DOCK9: variants seen among roughly 807,000 people sequenced by gnomAD.
The protein encoded by DOCK9 is dedicator of cytokinesis 9.
In DOCK9, 89 loss-of-function variants were observed where a neutral mutation model predicts 263.3. That is an observed-to-expected ratio of 0.34 (90% CI 0.28 to 0.40). The LOEUF (loss-of-function observed/expected upper bound fraction) is 0.40, where lower values mean the gene tolerates loss of function less well. DOCK9 is among the 10% of genes least tolerant of loss of function. The pLI is 1.00. For missense variants in DOCK9, 2,140 were observed against 2,603.4 expected (o/e 0.82, Z 3.87); for synonymous variants, 976 against 973.1 (o/e 1.00, Z -0.06).
intron 47 of DOCK9, chr13:98,808,682 A>C (rs1343780801): frequency 6.4e-7 from 1 of 1,571,732 alleles, no homozygotes; most frequent in African/African-American, 1.3e-5. Context: ...ATTGCTATAA[A>C]GTTATAAAAG....
chr13:99,000,452 GTAGCT>G (rs997120509), intron 1 of DOCK9, among the ~76,000 whole-genome samples: 19 of 152,288 alleles, frequency 1.2e-4, no homozygotes, highest in African/African-American at 4.3e-4. Flanking sequence ...GCTTGGCAGA[GTAGCT>G]TAGTAGAGGG....
chr13:98,927,057 C>G (rs1456651246), intron 3 of DOCK9, among the ~76,000 whole-genome samples: 1 of 152,176 alleles, frequency 6.6e-6, no homozygotes, highest in Non-Finnish European at 1.5e-5. Flanking sequence ...ACAATAAGCA[C>G]TTTACTGGCA....
At chr13:98,932,427 CAAACA>C (rs2054113024) in intron 2 of DOCK9, among the ~76,000 whole-genome samples, 1 of 146,520 alleles carries the variant, frequency 6.8e-6, no homozygotes, top group Middle Eastern at 3.3e-3. Flanking sequence ...AACAAACAAA[CAAACA>C]AAAAAACAGA....
At chr13:98,954,865 C>T (rs1595614718) in intron 2 of DOCK9, among the ~76,000 whole-genome samples, 1 of 106,432 alleles carries the variant, frequency 9.4e-6, no homozygotes, top group African/African-American at 3.1e-5. Flanking sequence ...ATTCAAGATA[C>T]ACACACACAC....
In DOCK9 at chr13:98,829,857, T is replaced by G; in HGVS notation, c.4636-101A>C. 1 of 948,812 alleles carries G rather than the reference T, an allele frequency of 1.1e-6. No homozygotes were observed. 58.8% of individuals were successfully genotyped at this position (948,812 alleles called of 1,614,324 possible). A position where few individuals can be genotyped will look rare whatever the true frequency, so the allele number is the denominator to read the frequency against. On this transcript the variant is annotated intron_variant, in intron 41 of 52. Transcript: ENST00000682017. The surrounding 1 kb of genome is among the most constrained non-coding windows in gnomAD (Gnocchi z 4.1). The stretch of plus-strand genomic sequence containing the variant: ...GGATGTGCCTAAGGACCCAGCAAAG[T>G]GGGGGTTGGGGGGTGCTTTGAGCAG...
intron 50 of DOCK9, among the ~76,000 whole-genome samples, chr13:98,799,012 T>C (rs542814766): frequency 3.9e-5 from 6 of 152,360 alleles, no homozygotes; most frequent in African/African-American, 1.4e-4. Context: ...GTTTTGTTTT[T>C]AGCTACAGAA....
At chr13:98,847,926 C>T (rs531691004) in intron 37 of DOCK9, among the ~76,000 whole-genome samples, 13 of 152,300 alleles carry the variant, frequency 8.5e-5, no homozygotes, top group South Asian at 2.1e-4. Flanking sequence ...TGCGAAGAAA[C>T]GCCCCCAAAG....
At chr13:99,075,236 G>A (rs886625828) in intron 1 of DOCK9, among the ~76,000 whole-genome samples, 4 of 151,656 alleles carry the variant, frequency 2.6e-5, no homozygotes, top group African/African-American at 9.7e-5. Context: ...GTTCATCTGT[G>A]AGTTTTTTCA....
chr13:98,855,914 C>T lies in DOCK9; in HGVS notation c.3815G>A (p.Ser1272Asn). 1 of 1,613,948 alleles carries T rather than the reference C, an allele frequency of 6.2e-7. No homozygotes were observed. Among genetic ancestry groups the T allele is most frequent in the Non-Finnish European group, 8.5e-7 (1 of 1,179,858 alleles). The change falls in exon 34 of 53, where the codon AGC becomes AAC. Residue 1272 changes from serine (S) to asparagine (N), a missense_variant. Around this residue, in one of 2 missense-constraint regions of DOCK9, gnomAD observed 1,521 missense variants for 1,741.7 expected, o/e 0.87. Coordinates refer to ENST00000682017, the MANE Select transcript of DOCK9 (RefSeq NM_001366683.2). The part of the protein sequence containing the change: ...NSLPERNSEK[S>N]NSLDKHQQSS... ...AGCAATTACCTTATCCAGGGAATTG[C>T]TCTTCTCACTATTCCTTTCTGGAAG... is the stretch of plus-strand genomic sequence containing the variant.
intron 1 of DOCK9, among the ~76,000 whole-genome samples, chr13:98,996,511 T>C (rs920934315): frequency 7.9e-5 from 12 of 152,256 alleles, no homozygotes; most frequent in Non-Finnish European, 4.4e-5. Context: ...ACATTACCCA[T>C]ATATTCCAAT....
intron 47 of DOCK9, 98 bp downstream of exon 47, chr13:98,809,254 T>C (rs2091045002): frequency 7.9e-7 from 1 of 1,267,732 alleles, no homozygotes; most frequent in East Asian, 2.5e-5. Flanking sequence ...AAACAGAGAA[T>C]TTATAAGATA....
At chr13:98,811,890 T>C (rs1462415962) in intron 45 of DOCK9, among the ~76,000 whole-genome samples, 1 of 152,230 alleles carries the variant, frequency 6.6e-6, no homozygotes, top group Non-Finnish European at 1.5e-5. Context: ...TAGTTTTACA[T>C]TTTACATTTT....
chr13:98,984,572 T>C (rs1379593052), intron 1 of DOCK9, among the ~76,000 whole-genome samples: 1 of 152,260 alleles, frequency 6.6e-6, no homozygotes, highest in Non-Finnish European at 1.5e-5. Flanking sequence ...ATGGTACTAT[T>C]AGTGATTCTT....
chr13:98,846,207 G>T (rs987402756), intron 37 of DOCK9, 147 bp from the exon 38 acceptor site: 9 of 1,026,290 alleles, frequency 8.8e-6, no homozygotes, highest in Non-Finnish European at 1.3e-5. Context: ...GACACAGACA[G>T]GCGGCAGCTC....
intron 1 of DOCK9, among the ~76,000 whole-genome samples, chr13:99,023,658 T>C (rs542827235): frequency 6.6e-6 from 1 of 152,336 alleles, no homozygotes; most frequent in Admixed American, 6.5e-5. Flanking sequence ...TTTCCATATT[T>C]TTTAAAAATA....
chr13:99,038,986 ATAACT>A (rs1339353311), intron 1 of DOCK9, among the ~76,000 whole-genome samples: 13 of 152,224 alleles, frequency 8.5e-5, no homozygotes, highest in African/African-American at 2.2e-4. Context: ...AAAACATTAA[ATAACT>A]TAACTTTTTA....
At chr13:98,841,106 GAATA>G (rs1467171582) in intron 38 of DOCK9, among the ~76,000 whole-genome samples, 1 of 152,144 alleles carries the variant, frequency 6.6e-6, no homozygotes, top group Non-Finnish European at 1.5e-5. Context: ...GTAGAGAATA[GAATA>G]AATAGTGATA....
intron 2 of DOCK9, among the ~76,000 whole-genome samples, chr13:98,941,081 C>T (rs1397681164): frequency 6.6e-6 from 1 of 152,182 alleles, no homozygotes; most frequent in East Asian, 1.9e-4. Flanking sequence ...TTCCCTAATG[C>T]ACCAGGCCCC....
chr13:99,070,129 T>G (rs2041604835), intron 1 of DOCK9, among the ~76,000 whole-genome samples: 1 of 150,734 alleles, frequency 6.6e-6, no homozygotes, highest in Non-Finnish European at 1.5e-5. Context: ...TTGACAATAT[T>G]TTTGCTTCCA....
Sources: allele counts gnomAD v4.1 joint callset (sites outside exome capture counted in the v4.1 genomes callset), GRCh38; gene constraint gnomAD v4.1.1; regional missense constraint gnomAD v4.1.1; non-coding constraint Gnocchi (gnomAD v3.1); transcripts MANE v1.5; gene names NCBI Gene and HGNC (gene_info 2026-07-23, HGNC 2026-07-21).